Variants in PDHX observed in about 807,000 individuals in gnomAD.
PDHX encodes the protein pyruvate dehydrogenase protein X component, mitochondrial.
Under a neutral mutation model 55.3 loss-of-function variants are expected in PDHX, and 33 were observed. The ratio of observed to expected loss-of-function variants is 0.60; its 90% CI spans 0.45 to 0.80. The LOEUF (loss-of-function observed/expected upper bound fraction) is 0.80. Ranked by LOEUF, PDHX falls within the 30% of genes least tolerant of loss-of-function variation. The pLI is 0.00. For synonymous variants in PDHX, 226 were observed against 219.4 expected (o/e 1.03, Z -0.27); for missense variants, 622 against 619.9 (o/e 1.00, Z -0.04).
intron 1 of PDHX, among the ~76,000 whole-genome samples, chr11:34,928,110 G>T (rs1854065941): frequency 6.6e-6 from 1 of 152,048 alleles, no homozygotes; most frequent in African/African-American, 2.4e-5. Context: ...AGAGATTATA[G>T]CAGGAGATAG....
In PDHX at chr11:34,995,280, A is replaced by ATGTT; in HGVS notation, c.*110_*113dup. 2.5e-6 allele frequency: 3 copies of ATGTT among 1,220,474 alleles called. No homozygotes were observed. Among genetic ancestry groups the ATGTT allele is most frequent in the Non-Finnish European group, 3.6e-6 (3 of 830,166 alleles). The allele number at this position is 1,220,474 out of a possible 1,614,324, so 75.6% of individuals were successfully genotyped here. On this transcript the variant is annotated 3_prime_UTR_variant, in exon 11 of 11. Transcript: ENST00000227868. ...GGTATTTAAGTATGAAGTGGATGAA[A>ATGTT]TGTTTATTTATTTAAGGTGAAAGCA...
In PDHX at chr11:34,990,995, CTTAAG is replaced by C. The variant is rs370512661; in HGVS notation, c.1183-1315_1183-1311del. On this transcript the variant is annotated intron_variant, in intron 9 of 10. Transcript: ENST00000227868. ...GACCTCATTTTTCTGTACCCTTCCT[CTTAAG>C]TTAATTCGTTATTAATTTTTTATAT... 6.5e-3 allele frequency among the ~76,000 whole-genome samples: 995 copies of C among 152,214 alleles called. 5 individuals carry two copies. Among genetic ancestry groups the C allele is most frequent in the African/African-American group, 0.021 (884 of 41,544 alleles).
chr11:34,985,816 C>A (rs79302237), intron 9 of PDHX, among the ~76,000 whole-genome samples: 7,170 of 152,106 alleles, frequency 0.047, 537 homozygotes, highest in African/African-American at 0.16. Flanking sequence ...AATGTGTAGA[C>A]CTTCTTGCTC....
At chr11:34,929,192 C>A (rs1186962242) in intron 1 of PDHX, among the ~76,000 whole-genome samples, 1 of 152,098 alleles carries the variant, frequency 6.6e-6, no homozygotes, top group African/African-American at 2.4e-5. Flanking sequence ...ATAACCTGTT[C>A]TCTTATGCAT....
At chr11:34,975,901 C>T (rs1855359580) in intron 7 of PDHX, among the ~76,000 whole-genome samples, 1 of 152,126 alleles carries the variant, frequency 6.6e-6, no homozygotes, top group African/African-American at 2.4e-5. Context: ...TACAGAGTTT[C>T]AAGATTTCAT....
In PDHX at chr11:34,933,872, A is replaced by G. The variant is rs116723396; in HGVS notation, c.241+2388A>G. Among the ~76,000 whole-genome samples, 511 of 152,268 alleles carry G rather than the reference A, an allele frequency of 3.4e-3. 4 individuals are homozygous for G. Among genetic ancestry groups the G allele is most frequent in the African/African-American group, 0.012 (490 of 41,566 alleles). On this transcript the variant is annotated intron_variant, in intron 2 of 10. Coordinates refer to ENST00000227868, the MANE Select transcript of PDHX (RefSeq NM_003477.3). ...GGATAATAAGGATAATATATTTAAT[A>G]TATTTCAATACATTAAATATATTTG...
chr11:34,954,994 A>G (rs1854873087), intron 3 of PDHX, among the ~76,000 whole-genome samples: 1 of 152,236 alleles, frequency 6.6e-6, no homozygotes. Flanking sequence ...TAGACTCAAC[A>G]TTCAATATTT....
intron 7 of PDHX, among the ~76,000 whole-genome samples, chr11:34,975,189 T>TG (rs1378318289): frequency 1.3e-5 from 1 of 75,596 alleles, no homozygotes; most frequent in Non-Finnish European, 3.2e-5. Flanking sequence ...CTTTCAAGAT[T>TG]TTTGCATTAC....
At chr11:34,966,213 T>G (rs912397593) in intron 5 of PDHX, among the ~76,000 whole-genome samples, 3 of 152,222 alleles carry the variant, frequency 2.0e-5, no homozygotes, top group African/African-American at 7.2e-5. Context: ...AACAATGATG[T>G]AGGAAGTATC....
At chr11:34,977,992 A>T in intron 7 of PDHX, 132 bp from the exon 8 acceptor site, 1 of 645,282 alleles carries the variant, frequency 1.5e-6, no homozygotes. Context: ...TTATTGACTA[A>T]GCAAACAAAA....
chr11:34,956,391 C>T (rs1303966529), intron 3 of PDHX, among the ~76,000 whole-genome samples: 1 of 152,088 alleles, frequency 6.6e-6, no homozygotes, highest in Non-Finnish European at 1.5e-5. Context: ...TATGCTTTTC[C>T]TTACCATTAC....
chr11:34,930,005 G>A (rs1032343565), intron 1 of PDHX, among the ~76,000 whole-genome samples: 1 of 152,194 alleles, frequency 6.6e-6, no homozygotes, highest in African/African-American at 2.4e-5. Flanking sequence ...TGTTTTAGAG[G>A]GAGACTGTGT....
chr11:34,970,365 T>C, intron 7 of PDHX, 79 bp downstream of exon 7: 1 of 1,162,912 alleles, frequency 8.6e-7, no homozygotes, highest in South Asian at 1.3e-5. Context: ...ATTATAAAAT[T>C]AAAAGCTACA....
chr11:34,975,380 C>T (rs755205034), intron 7 of PDHX, among the ~76,000 whole-genome samples: 1 of 152,000 alleles, frequency 6.6e-6, no homozygotes, highest in Admixed American at 6.6e-5. Flanking sequence ...AAATGTTAGA[C>T]TTTTTGAATT....
chr11:34,944,018 T>C (rs1210531381), intron 2 of PDHX, among the ~76,000 whole-genome samples: 1 of 150,948 alleles, frequency 6.6e-6, no homozygotes, highest in Non-Finnish European at 1.5e-5. Flanking sequence ...CACTGCTGTA[T>C]CCTCAGTGCC....
chr11:34,922,491 T>A (rs1235699584), intron 1 of PDHX, among the ~76,000 whole-genome samples: 1 of 152,198 alleles, frequency 6.6e-6, no homozygotes, highest in Non-Finnish European at 1.5e-5. Flanking sequence ...AACCATAGTC[T>A]ACCTCAGTAT....
chr11:34,929,490 G>A (rs1854104463), intron 1 of PDHX, among the ~76,000 whole-genome samples: 1 of 152,144 alleles, frequency 6.6e-6, no homozygotes, highest in African/African-American at 2.4e-5. Flanking sequence ...CAAAAGTGGT[G>A]TTTTAATACA....
chr11:34,928,340 TGAACTTTTTGA>T (rs1854072320), intron 1 of PDHX, among the ~76,000 whole-genome samples: 1 of 151,882 alleles, frequency 6.6e-6, no homozygotes, highest in Admixed American at 6.6e-5. Flanking sequence ...ATGCCTGGCT[TGAACTTTTTGA>T]TAGAAAGAAC....
At chr11:34,957,085 A>T (rs1465488991) in intron 3 of PDHX, among the ~76,000 whole-genome samples, 1 of 152,210 alleles carries the variant, frequency 6.6e-6, no homozygotes, top group African/African-American at 2.4e-5. Context: ...CAAAAAGAAG[A>T]TGATAATGAT....
Sources: gnomAD v4.1 joint callset for allele counts (sites outside exome capture counted in the v4.1 genomes callset) on GRCh38, gnomAD v4.1.1 for gene constraint, MANE v1.5 for transcripts, NCBI Gene and HGNC (gene_info 2026-07-23, HGNC 2026-07-21) for gene names.